Variants in NMU observed in about 807,000 individuals in gnomAD.
NMU encodes the protein neuromedin U.
A neutral mutation model predicts 35.4 loss-of-function variants in NMU; 29 were observed. That is an observed-to-expected ratio of 0.82 (90% CI 0.61 to 1.12). NMU has a LOEUF of 1.12. Ranked by LOEUF, NMU falls within the 50% of genes most tolerant of loss-of-function variation. The pLI, the probability that NMU is intolerant of heterozygous loss-of-function variation, is 0.00. For missense variants in NMU, 199 were observed against 206.2 expected (o/e 0.97, Z 0.21); for synonymous variants, 78 against 81.3 (o/e 0.96, Z 0.22).
At chr4:55,630,906 A>C (rs1224236663) in intron 1 of NMU, among the ~76,000 whole-genome samples, 1 of 152,224 alleles carries the variant, frequency 6.6e-6, no homozygotes, top group African/African-American at 2.4e-5. Context: ...TTCTGGAGGC[A>C]TCACATTACT....
intron 2 of NMU, among the ~76,000 whole-genome samples, chr4:55,624,179 A>G (rs1424232572): frequency 6.8e-6 from 1 of 147,842 alleles, no homozygotes; most frequent in East Asian, 2.0e-4. Context: ...GGATCTAATT[A>G]AACTAAAGAG....
chr4:55,608,540 A>C (rs1425480119), intron 4 of NMU, among the ~76,000 whole-genome samples: 1 of 152,344 alleles, frequency 6.6e-6, no homozygotes, highest in East Asian at 1.9e-4. Flanking sequence ...ATCTTTAATA[A>C]AGTAGCTTTA....
intron 7 of NMU, among the ~76,000 whole-genome samples, chr4:55,603,103 T>G (rs1733488977): frequency 6.6e-6 from 1 of 152,092 alleles, no homozygotes; most frequent in Non-Finnish European, 1.5e-5. Context: ...GTTCAAACGA[T>G]TCTCCTGCCT....
chr4:55,610,577 G>A (rs1733894069), intron 3 of NMU, among the ~76,000 whole-genome samples: 1 of 152,168 alleles, frequency 6.6e-6, no homozygotes, highest in Non-Finnish European at 1.5e-5. Context: ...TGTGGTTAGA[G>A]ACACAGGTGG....
At chr4:55,636,439 C>T (rs1715937574), upstream of NMU, 1 of 492,968 alleles carries the variant, frequency 2.0e-6, no homozygotes, top group Non-Finnish European at 3.4e-6. The surrounding 1 kb of genome is among the most constrained non-coding windows in gnomAD (Gnocchi z 4.0). Context: ...CGCGCCCCAC[C>T]CTGCAGCAGG....
At chr4:55,600,713 G>A in intron 7 of NMU, 138 bp from the exon 8 acceptor site, 2 of 642,672 alleles carry the variant, frequency 3.1e-6, no homozygotes, top group South Asian at 3.9e-5. Flanking sequence ...CTTGAATAGA[G>A]AATTTTTGTA....
At chr4:55,612,456 CAATAAGAAGAA>C (rs1733970354) in intron 3 of NMU, among the ~76,000 whole-genome samples, 1 of 152,012 alleles carries the variant, frequency 6.6e-6, no homozygotes, top group Non-Finnish European at 1.5e-5. Flanking sequence ...AAATACAAAA[CAATAAGAAGAA>C]AATACCCAGT....
intron 3 of NMU, among the ~76,000 whole-genome samples, chr4:55,613,454 C>A (rs1019461175): frequency 6.6e-6 from 1 of 152,132 alleles, no homozygotes; most frequent in South Asian, 2.1e-4. Flanking sequence ...AACCTTAAAT[C>A]TGAGTACAAC....
At chr4:55,608,951 C>T (rs1011169744) in intron 4 of NMU, among the ~76,000 whole-genome samples, 169 bp downstream of exon 4, 1 of 152,122 alleles carries the variant, frequency 6.6e-6, no homozygotes, top group Non-Finnish European at 1.5e-5. Context: ...ATATGATGCT[C>T]AATTCTCAGA....
intron 6 of NMU, among the ~76,000 whole-genome samples, chr4:55,605,623 A>T (rs911402606): frequency 6.6e-6 from 1 of 152,200 alleles, no homozygotes; most frequent in African/African-American, 2.4e-5. Flanking sequence ...TCTCTTGTGA[A>T]CTGTCAGCAA....
intron 8 of NMU, 117 bp downstream of exon 8, chr4:55,600,405 G>T (rs1733374984): frequency 1.4e-6 from 1 of 715,630 alleles, no homozygotes; most frequent in African/African-American, 1.8e-5. Flanking sequence ...TGTAACACCT[G>T]ATGCCAAACA....
intron 2 of NMU, among the ~76,000 whole-genome samples, chr4:55,627,789 A>G (rs924865497): frequency 1.3e-5 from 2 of 152,260 alleles, no homozygotes; most frequent in Non-Finnish European, 2.9e-5. Context: ...AATGCAATTC[A>G]TTGCAGTTAT....
At chr4:55,627,684 A>G (rs1734587862) in intron 2 of NMU, among the ~76,000 whole-genome samples, 2 of 152,174 alleles carry the variant, frequency 1.3e-5, no homozygotes, top group South Asian at 4.1e-4. Flanking sequence ...ACTTTTGCCT[A>G]GTGAAAAGAA....
intron 9 of NMU, 131 bp from the exon 10 acceptor site, chr4:55,595,542 G>GTGTATA (rs1455535381): frequency 9.3e-6 from 1 of 107,992 alleles, no homozygotes; most frequent in Non-Finnish European, 1.8e-5. Flanking sequence ...TTTCCCAGCT[G>GTGTATA]TATATATATA....
chr4:55,605,357 G>T lies in NMU; in HGVS notation c.361-8C>A. ...CGGATGCACAACTGACGACTGAGAGGACATGAACACACACGTGAATAAGTG... is the reference window on the plus strand; with the variant it reads ...CGGATGCACAACTGACGACTGAGAGTACATGAACACACACGTGAATAAGTG... On this transcript the variant is annotated splice_polypyrimidine_tract_variant and splice_region_variant and intron_variant, in intron 6 of 9. Transcript: ENST00000264218. 1 of 1,604,824 alleles carries T rather than the reference G, an allele frequency of 6.2e-7. No individual in the cohort carries two copies. The highest frequency in any genetic ancestry group is 8.5e-7 in the Non-Finnish European group (1 of 1,171,412).
chr4:55,617,838 T>C (rs1463162309), intron 2 of NMU, among the ~76,000 whole-genome samples: 1 of 152,206 alleles, frequency 6.6e-6, no homozygotes, highest in Non-Finnish European at 1.5e-5. Context: ...AGGCTGCCCA[T>C]CTATGTGAGG....
At chr4:55,613,014 G>T (rs1395118369) in intron 3 of NMU, among the ~76,000 whole-genome samples, 1 of 152,156 alleles carries the variant, frequency 6.6e-6, no homozygotes, top group African/African-American at 2.4e-5. Context: ...CAACATGGAT[G>T]GAGCTGGAGG....
intron 2 of NMU, among the ~76,000 whole-genome samples, chr4:55,626,216 TTCA>T (rs1183401264): frequency 6.6e-6 from 1 of 152,242 alleles, no homozygotes; most frequent in Non-Finnish European, 1.5e-5. Flanking sequence ...TGTCCCAATT[TTCA>T]TTTCATTGTT....
chr4:55,635,837 G>T (rs978144813), intron 1 of NMU, among the ~76,000 whole-genome samples: 26 of 152,236 alleles, frequency 1.7e-4, no homozygotes, highest in African/African-American at 6.3e-4. Context: ...CAGGGTCTCC[G>T]CTGGGCATCA....
Sources: allele counts gnomAD v4.1 joint callset (sites outside exome capture counted in the v4.1 genomes callset), GRCh38; gene constraint gnomAD v4.1.1; non-coding constraint Gnocchi (gnomAD v3.1); transcripts MANE v1.5; gene names NCBI Gene and HGNC (gene_info 2026-07-23, HGNC 2026-07-21).